The following ALK variants were observed in gnomAD, a reference collection of about 807,000 sequenced individuals.
ALK encodes ALK tyrosine kinase receptor.
A neutral mutation model predicts 163.1 loss-of-function variants in ALK; 74 were observed. That is an observed-to-expected ratio of 0.45 (90% confidence interval 0.38 to 0.55). The LOEUF (loss-of-function observed/expected upper bound fraction) is 0.55. Among genes scored for constraint, ALK ranks in the 20% least tolerant of loss-of-function variants. ALK has a pLI of 0.00. For missense variants in ALK, 2,063 were observed against 2,105.3 expected (o/e 0.98, Z 0.39); for synonymous variants, 960 against 843.2 (o/e 1.14, Z -2.40).
chr2:29,631,149 G>A (rs1266387379), intron 3 of ALK, among the ~76,000 whole-genome samples: 1 of 152,138 alleles, frequency 6.6e-6, no homozygotes, highest in Non-Finnish European at 1.5e-5. Flanking sequence ...AAAAACTTGG[G>A]CATTCATTAT....
At chr2:29,779,249 T>C (rs900507053) in intron 1 of ALK, among the ~76,000 whole-genome samples, 3 of 152,180 alleles carry the variant, frequency 2.0e-5, no homozygotes, top group Non-Finnish European at 4.4e-5. Context: ...AATTTGCTCC[T>C]GGTGTATCAG....
chr2:29,501,092 C>T (rs1410397103), intron 4 of ALK, among the ~76,000 whole-genome samples: 3 of 152,116 alleles, frequency 2.0e-5, no homozygotes, highest in Non-Finnish European at 4.4e-5. Flanking sequence ...CTTATACTGA[C>T]CTCTGATGCA....
chr2:29,377,744 G>A (rs1377267183), intron 5 of ALK, among the ~76,000 whole-genome samples: 2 of 152,170 alleles, frequency 1.3e-5, no homozygotes, highest in Admixed American at 6.5e-5. Context: ...AATGGTATTT[G>A]TGCATCTCAG....
At chr2:29,731,539 T>A (rs1040019330) in intron 1 of ALK, among the ~76,000 whole-genome samples, 1 of 152,156 alleles carries the variant, frequency 6.6e-6, no homozygotes, top group African/African-American at 2.4e-5. Context: ...CTGGGCAGCA[T>A]CGGGACAGGA....
chr2:29,216,954 TGTG>T (rs1174804331), intron 23 of ALK, among the ~76,000 whole-genome samples: 6 of 28,940 alleles, frequency 2.1e-4, no homozygotes, highest in Non-Finnish European at 9.0e-5. Flanking sequence ...TGGCATGTGA[TGTG>T]TGTGTGGTGT....
chr2:29,894,446 T>A lies in ALK; in HGVS notation c.667+25547A>T, dbSNP rs535761303. 8.5e-5 allele frequency among the ~76,000 whole-genome samples: 13 copies of A among 152,168 alleles called. No homozygotes were observed. The South Asian group carries it at 2.7e-3, about 32-fold the overall frequency. The stretch of plus-strand genomic sequence containing the variant: ...CCCCACGTGGCATTGCTGGGAGGGC[T>A]ACATGAGAAATGGAGGTTAAGCCTG... On this transcript the variant is annotated intron_variant, in intron 1 of 28. Transcript: ENST00000389048.
At chr2:29,308,604 A>C (rs1009243504) in intron 8 of ALK, among the ~76,000 whole-genome samples, 6 of 152,222 alleles carry the variant, frequency 3.9e-5, no homozygotes, top group African/African-American at 1.4e-4. Flanking sequence ...TGTGAACGGA[A>C]CGCAAGCTTT....
At chr2:29,814,313 A>G (rs1174484826) in intron 1 of ALK, among the ~76,000 whole-genome samples, 1 of 151,966 alleles carries the variant, frequency 6.6e-6, no homozygotes, top group Non-Finnish European at 1.5e-5. Flanking sequence ...TCATGGTGGT[A>G]TATATGTCCT....
At chr2:29,470,441 T>C (rs1177291961) in intron 4 of ALK, among the ~76,000 whole-genome samples, 1 of 152,144 alleles carries the variant, frequency 6.6e-6, no homozygotes, top group Non-Finnish European at 1.5e-5. Context: ...ATAATAAAGC[T>C]GCTGAAAATC....
intron 1 of ALK, among the ~76,000 whole-genome samples, chr2:29,728,121 T>TA (rs66953037): frequency 3.6e-4 from 55 of 151,090 alleles, no homozygotes; most frequent in South Asian, 1.3e-3. Context: ...GGGATGTTTT[T>TA]AAAAAAAAAA....
intron 1 of ALK, among the ~76,000 whole-genome samples, chr2:29,731,780 G>A (rs921621494): frequency 2.0e-5 from 3 of 152,206 alleles, no homozygotes; most frequent in Admixed American, 6.5e-5. Context: ...TCAGGACTAA[G>A]CATTAAAGAT....
At chr2:29,369,271 C>T (rs1209206331) in intron 5 of ALK, among the ~76,000 whole-genome samples, 2 of 151,858 alleles carry the variant, frequency 1.3e-5, no homozygotes, top group Admixed American at 1.3e-4. Context: ...ATTCAAATGC[C>T]TCCTTGCTGG....
chr2:29,839,658 CCTT>C (rs1665651065), intron 1 of ALK, among the ~76,000 whole-genome samples: 1 of 152,070 alleles, frequency 6.6e-6, no homozygotes, highest in Non-Finnish European at 1.5e-5. Context: ...TGTTTGTGTC[CCTT>C]CTTCTGCGTT....
intron 4 of ALK, among the ~76,000 whole-genome samples, chr2:29,434,172 A>G (rs1390928016): frequency 2.0e-5 from 3 of 152,200 alleles, no homozygotes; most frequent in African/African-American, 7.2e-5. Flanking sequence ...GAATGCATAA[A>G]ATTTTTAACT....
At chr2:29,217,127 GTGGT>G (rs1182842331) in intron 23 of ALK, among the ~76,000 whole-genome samples, 3 of 33,106 alleles carry the variant, frequency 9.1e-5, no homozygotes, top group Admixed American at 6.7e-4. Flanking sequence ...GGGGGCGTGT[GTGGT>G]GTGTGTGTGT....
At chr2:29,305,148 G>A (rs1202978964) in intron 8 of ALK, among the ~76,000 whole-genome samples, 1 of 152,202 alleles carries the variant, frequency 6.6e-6, no homozygotes, top group African/African-American at 2.4e-5. Context: ...TGAGTAAGAG[G>A]CAATTCTTAA....
At chr2:29,492,015 A>G (rs1301473210) in intron 4 of ALK, among the ~76,000 whole-genome samples, 1 of 152,232 alleles carries the variant, frequency 6.6e-6, no homozygotes, top group African/African-American at 2.4e-5. Flanking sequence ...ACAATCAATT[A>G]AATCCTTAAG....
At chr2:29,765,267 C>T (rs1680826484) in intron 1 of ALK, among the ~76,000 whole-genome samples, 1 of 152,156 alleles carries the variant, frequency 6.6e-6, no homozygotes. Flanking sequence ...CCATGACTTT[C>T]TCACCTGAAA....
chr2:29,469,777 A>T (rs1463023584), intron 4 of ALK, among the ~76,000 whole-genome samples: 1 of 152,102 alleles, frequency 6.6e-6, no homozygotes, highest in Non-Finnish European at 1.5e-5. Flanking sequence ...TCAAATCCTG[A>T]TTGGATCAAG....
Sources: allele counts gnomAD v4.1 joint callset (sites outside exome capture counted in the v4.1 genomes callset), GRCh38; gene constraint gnomAD v4.1.1; transcripts MANE v1.5; gene names NCBI Gene and HGNC (gene_info 2026-07-23, HGNC 2026-07-21).